Variants in LARGE1 observed in about 807,000 individuals in gnomAD.
LARGE1 encodes LARGE xylosyl- and glucuronyltransferase 1.
Under a neutral mutation model 87.6 loss-of-function variants are expected in LARGE1, and 43 were observed. That is an observed-to-expected ratio of 0.49 (90% CI 0.38 to 0.63). The LOEUF (loss-of-function observed/expected upper bound fraction) is 0.63, where lower values mean the gene tolerates loss of function less well. LARGE1 is among the 30% of genes least tolerant of loss of function. The pLI is 0.00. For synonymous variants in LARGE1, 434 were observed against 394.6 expected (o/e 1.10, Z -1.18); for missense variants, 802 against 1,000.2 (o/e 0.80, Z 2.67).
chr22:33,244,510 A>G (rs1265836150), intron 11 of LARGE1, among the ~76,000 whole-genome samples: 1 of 152,162 alleles, frequency 6.6e-6, no homozygotes, highest in Non-Finnish European at 1.5e-5. Flanking sequence ...TTTATCCAAA[A>G]TTCAGCTTGT....
chr22:33,586,625 T>G (rs926682347), intron 5 of LARGE1, among the ~76,000 whole-genome samples: 1 of 151,982 alleles, frequency 6.6e-6, no homozygotes, highest in African/African-American at 2.4e-5. Context: ...GCCTGGCTAA[T>G]TTTTTGTATT....
At chr22:33,770,733 T>C (rs1350672734) in intron 1 of LARGE1, among the ~76,000 whole-genome samples, 2 of 152,134 alleles carry the variant, frequency 1.3e-5, no homozygotes, top group South Asian at 2.1e-4. Context: ...CAATATCCTA[T>C]ATTGCTACTG....
At chr22:33,235,643 A>G (rs1926214995) in intron 11 of LARGE1, among the ~76,000 whole-genome samples, 1 of 152,106 alleles carries the variant, frequency 6.6e-6, no homozygotes. Context: ...ACCTTCCCCT[A>G]CGTGTAGCCT....
At chr22:33,453,688 G>A (rs1458004446) in intron 6 of LARGE1, among the ~76,000 whole-genome samples, 1 of 152,110 alleles carries the variant, frequency 6.6e-6, no homozygotes, top group Non-Finnish European at 1.5e-5. Context: ...TGTCTTTCCT[G>A]GCTCCTGGTT....
intron 9 of LARGE1, among the ~76,000 whole-genome samples, chr22:33,371,105 C>A (rs1356661429): frequency 1.3e-5 from 2 of 149,650 alleles, no homozygotes; most frequent in Non-Finnish European, 1.5e-5. Context: ...ATATAACATG[C>A]ATTATGTTAG....
intron 6 of LARGE1, among the ~76,000 whole-genome samples, chr22:33,453,433 G>T (rs1197731792): frequency 6.6e-6 from 1 of 151,494 alleles, no homozygotes; most frequent in Non-Finnish European, 1.5e-5. Flanking sequence ...AAAAAAAGTT[G>T]TTGCTTCACT....
At chr22:33,483,747 A>G (rs2148223601) in intron 6 of LARGE1, among the ~76,000 whole-genome samples, 1 of 152,286 alleles carries the variant, frequency 6.6e-6, no homozygotes, top group East Asian at 1.9e-4. Flanking sequence ...TGTTAAACTG[A>G]TGGAGGCAGG....
intron 11 of LARGE1, among the ~76,000 whole-genome samples, chr22:33,199,177 T>C (rs995839956): frequency 6.7e-6 from 1 of 149,014 alleles, no homozygotes; most frequent in African/African-American, 2.5e-5. Flanking sequence ...TTGTGTCCTT[T>C]GCTTACTTTT....
chr22:33,883,245 C>T (rs746641844), intron 1 of LARGE1, among the ~76,000 whole-genome samples: 5 of 152,136 alleles, frequency 3.3e-5, no homozygotes, highest in Non-Finnish European at 5.9e-5. Context: ...TGCTTGGCTA[C>T]CACCTTGCAG....
intron 5 of LARGE1, among the ~76,000 whole-genome samples, chr22:33,574,441 T>C (rs1023819611): frequency 2.6e-5 from 4 of 152,182 alleles, no homozygotes; most frequent in African/African-American, 4.8e-5. Flanking sequence ...ATGTTCAATA[T>C]AGATGCAACC....
At chr22:33,384,000 G>T (rs2065243145) in intron 8 of LARGE1, among the ~76,000 whole-genome samples, 192 bp downstream of exon 8, 1 of 152,236 alleles carries the variant, frequency 6.6e-6, no homozygotes, top group South Asian at 2.1e-4. Context: ...ATGAACAAAT[G>T]AATGAACAAA....
intron 11 of LARGE1, among the ~76,000 whole-genome samples, chr22:33,245,097 C>T (rs894774407): frequency 6.6e-6 from 1 of 152,180 alleles, no homozygotes; most frequent in Non-Finnish European, 1.5e-5. Flanking sequence ...TTTAACTTGT[C>T]AATGCCATCT....
intron 1 of LARGE1, among the ~76,000 whole-genome samples, chr22:33,913,165 C>T (rs928835050): frequency 2.6e-5 from 4 of 152,082 alleles, no homozygotes; most frequent in Non-Finnish European, 5.9e-5. Context: ...TCATACACAC[C>T]GCCTCTCCTG....
intron 2 of LARGE1, among the ~76,000 whole-genome samples, chr22:33,748,647 G>A (rs1003794419): frequency 1.3e-5 from 2 of 152,190 alleles, no homozygotes; most frequent in African/African-American, 4.8e-5. Flanking sequence ...GGAGGACTGG[G>A]ACTTAGACAG....
chr22:33,826,412 G>A (rs144146880), intron 1 of LARGE1, among the ~76,000 whole-genome samples: 95 of 150,074 alleles, frequency 6.3e-4, no homozygotes, highest in South Asian at 1.5e-3. Context: ...GCGCAATCTC[G>A]GCTCGCTGCA....
chr22:33,089,495 T>C, the LARGE1 span, among the ~76,000 whole-genome samples: 175 of 151,320 alleles, frequency 1.2e-3, 2 homozygotes, highest in African/African-American at 4.1e-3. Flanking sequence ...TTCCTCTTCT[T>C]CTCCTCCTCC....
chr22:33,094,759 C>T, the LARGE1 span, among the ~76,000 whole-genome samples: 1 of 152,228 alleles, frequency 6.6e-6, no homozygotes, highest in Non-Finnish European at 1.5e-5. Flanking sequence ...ATTCTTGTCG[C>T]CCAGGCTGGA....
At chr22:33,174,868 A>G (rs765916470) in intron 11 of LARGE1, among the ~76,000 whole-genome samples, 1 of 152,168 alleles carries the variant, frequency 6.6e-6, no homozygotes, top group Non-Finnish European at 1.5e-5. Context: ...CCAACCAAAA[A>G]ATGTCCGGAT....
At chr22:33,652,575 G>T (rs564681372) in intron 2 of LARGE1, among the ~76,000 whole-genome samples, 2 of 152,026 alleles carry the variant, frequency 1.3e-5, no homozygotes, top group Non-Finnish European at 2.9e-5. Flanking sequence ...AGCAAAAAAA[G>T]CATATCTCTA....
Sources: gnomAD v4.1 joint callset for allele counts (sites outside exome capture counted in the v4.1 genomes callset) on GRCh38, gnomAD v4.1.1 for gene constraint, MANE v1.5 for transcripts, NCBI Gene and HGNC (gene_info 2026-07-23, HGNC 2026-07-21) for gene names.